CNTLN: variants seen among roughly 807,000 people sequenced by gnomAD.
The protein encoded by CNTLN is centlein, centrosomal protein.
In CNTLN, 212 loss-of-function variants were observed where a neutral mutation model predicts 180.0. The ratio of observed to expected loss-of-function variants is 1.18; its 90% CI spans 1.05 to 1.32. The LOEUF (loss-of-function observed/expected upper bound fraction) is 1.32, where lower values mean the gene tolerates loss of function less well. Among genes scored for constraint, CNTLN ranks in the 40% most tolerant of loss-of-function variants. The pLI, the probability that CNTLN is intolerant of heterozygous loss-of-function variation, is 0.00. For missense variants in CNTLN, 2,095 were observed against 1,610.9 expected (o/e 1.30, Z -5.14); for synonymous variants, 722 against 563.1 (o/e 1.28, Z -3.99).
intron 18 of CNTLN, among the ~76,000 whole-genome samples, chr9:17,450,230 G>A (rs554848766): frequency 6.6e-6 from 1 of 152,266 alleles, no homozygotes; most frequent in East Asian, 1.9e-4. Context: ...TAACAAAGTA[G>A]CACCTTAAGT....
At chr9:17,236,907 G>C (rs1825179962) in intron 5 of CNTLN, among the ~76,000 whole-genome samples, 2 of 152,106 alleles carry the variant, frequency 1.3e-5, no homozygotes, top group Non-Finnish European at 2.9e-5. Flanking sequence ...AGCTTACAAA[G>C]ATAGCTATAA....
intron 9 of CNTLN, 38 bp downstream of exon 9, chr9:17,330,846 G>A (rs775974715): frequency 7.1e-6 from 11 of 1,555,782 alleles, no homozygotes; most frequent in Admixed American, 3.9e-5. Context: ...TTGCCAGGAT[G>A]AGGCTGGAAA....
chr9:17,381,682 CT>C (rs1248184288), intron 13 of CNTLN, among the ~76,000 whole-genome samples: 2 of 152,194 alleles, frequency 1.3e-5, no homozygotes, highest in African/African-American at 4.8e-5. Context: ...ACCACAAAGT[CT>C]CACTAGCATG....
Position 17,175,250 on chromosome 9 carries a change from TC to T in CNTLN, c.449+31876del, listed in dbSNP as rs1344162956. Among the ~76,000 whole-genome samples the T allele has an allele frequency of 2.0e-5, 3 of 152,318 alleles. No individual in the cohort carries two copies. In the South Asian group the frequency reaches 6.2e-4, roughly 32 times the overall value. On this transcript the variant is annotated intron_variant, in intron 2 of 25. Coordinates refer to ENST00000380647, the MANE Select transcript of CNTLN (RefSeq NM_017738.4). ...ACCAAAGATTTTCTCTTATTTTTTTTCCTAAAAGTTTTATAGTTTTATGTTT... is the reference window on the plus strand; with the variant it reads ...ACCAAAGATTTTCTCTTATTTTTTTTCTAAAAGTTTTATAGTTTTATGTTT...
chr9:17,210,722 T>G (rs905443928), intron 2 of CNTLN, among the ~76,000 whole-genome samples: 2 of 152,184 alleles, frequency 1.3e-5, no homozygotes, highest in Non-Finnish European at 2.9e-5. Context: ...ACCTGTTGTT[T>G]CCTGACTTTT....
intron 25 of CNTLN, among the ~76,000 whole-genome samples, chr9:17,490,515 C>T (rs1833106057): frequency 6.6e-6 from 1 of 151,866 alleles, no homozygotes; most frequent in Admixed American, 6.6e-5. Context: ...TTTATGATTC[C>T]ATTCATACAA....
intron 13 of CNTLN, among the ~76,000 whole-genome samples, chr9:17,384,379 A>G (rs1032931176): frequency 6.6e-6 from 1 of 152,040 alleles, no homozygotes; most frequent in East Asian, 1.9e-4. Context: ...CCTTTTTAGA[A>G]TATTTGTGGC....
intron 6 of CNTLN, among the ~76,000 whole-genome samples, chr9:17,291,780 T>G (rs7867175): frequency 6.6e-6 from 1 of 152,070 alleles, no homozygotes; most frequent in African/African-American, 2.4e-5. Context: ...CTGTGTCTTT[T>G]AATCGGGGCA....
chr9:17,241,871 A>G lies in CNTLN; in HGVS notation c.849+5283A>G, dbSNP rs112966387. 2.2e-4 allele frequency among the ~76,000 whole-genome samples: 33 copies of G among 152,288 alleles called. No homozygotes were observed. In the South Asian group the frequency reaches 2.5e-3, roughly 11 times the overall value. ...GATTGTTTGCTGTTGGCCTATGGCA[A>G]TGCTACTGATTTTTGTATGTTAATT... On this transcript the variant is annotated intron_variant, in intron 5 of 25. Transcript: ENST00000380647.
chr9:17,428,990 T>C (rs917191499), intron 18 of CNTLN, among the ~76,000 whole-genome samples: 1 of 152,058 alleles, frequency 6.6e-6, no homozygotes, highest in African/African-American at 2.4e-5. Flanking sequence ...GTGTCTATTA[T>C]CGTGAGTTAT....
intron 8 of CNTLN, among the ~76,000 whole-genome samples, chr9:17,320,007 T>TGG (rs1282053957): frequency 6.6e-6 from 1 of 152,200 alleles, no homozygotes; most frequent in African/African-American, 2.4e-5. Flanking sequence ...AAGCGATTGT[T>TGG]TATCTTTTTC....
At chr9:17,528,570 G>A in the CNTLN span, among the ~76,000 whole-genome samples, 1 of 152,232 alleles carries the variant, frequency 6.6e-6, no homozygotes, top group Non-Finnish European at 1.5e-5. Context: ...TTCTGCAACA[G>A]AAGAAGGATA....
chr9:17,204,954 C>T (rs918819848), intron 2 of CNTLN, among the ~76,000 whole-genome samples: 23 of 152,162 alleles, frequency 1.5e-4, no homozygotes, highest in Admixed American at 6.5e-4. Flanking sequence ...GAATTCCGTC[C>T]GGGCCAAACC....
chr9:17,411,296 G>A (rs1235200310), intron 16 of CNTLN, among the ~76,000 whole-genome samples: 4 of 152,156 alleles, frequency 2.6e-5, no homozygotes, highest in African/African-American at 7.2e-5. Context: ...GAAAAGGCCA[G>A]CCTAGCAAGA....
the CNTLN span, among the ~76,000 whole-genome samples, chr9:17,526,590 A>G: frequency 1.3e-5 from 2 of 152,326 alleles, no homozygotes; most frequent in South Asian, 4.1e-4. Flanking sequence ...TAAATTCACA[A>G]ATATTTTTCT....
intron 2 of CNTLN, among the ~76,000 whole-genome samples, chr9:17,202,752 C>G (rs78432289): frequency 6.8e-6 from 1 of 147,916 alleles, no homozygotes; most frequent in Non-Finnish European, 1.5e-5. Flanking sequence ...TGATGGGTCT[C>G]CTGAGTGCAG....
intron 19 of CNTLN, among the ~76,000 whole-genome samples, chr9:17,459,639 C>T (rs1169797474): frequency 1.3e-5 from 2 of 151,742 alleles, no homozygotes; most frequent in Non-Finnish European, 3.0e-5. Context: ...ATTATTCTCA[C>T]AGTTCTGAAG....
intron 13 of CNTLN, among the ~76,000 whole-genome samples, chr9:17,387,044 A>G (rs942098633): frequency 2.4e-4 from 36 of 152,296 alleles, no homozygotes; most frequent in Admixed American, 9.1e-4. Flanking sequence ...AGCTTTTATT[A>G]TCCTTCGGAT....
intron 8 of CNTLN, 124 bp downstream of exon 8, chr9:17,309,376 T>A (rs6475126): frequency 0.84 from 612,975 of 726,298 alleles, 260,463 homozygotes; most frequent in Non-Finnish European, 0.87. Flanking sequence ...GTGTGCAGAT[T>A]GTTTTGCATT....
Sources: gnomAD v4.1 joint callset for allele counts (sites outside exome capture counted in the v4.1 genomes callset) on GRCh38, gnomAD v4.1.1 for gene constraint, MANE v1.5 for transcripts, NCBI Gene and HGNC (gene_info 2026-07-23, HGNC 2026-07-21) for gene names.